Variants in LUZP2 observed in about 807,000 individuals in gnomAD.
LUZP2 encodes the protein leucine zipper protein 2.
Under a neutral mutation model 51.6 loss-of-function variants are expected in LUZP2, and 52 were observed. The observed-to-expected ratio is 1.01, with a 90% confidence interval of 0.81 to 1.27. The LOEUF (loss-of-function observed/expected upper bound fraction) is 1.27, where lower values mean the gene tolerates loss of function less well. Among genes scored for constraint, LUZP2 ranks in the 50% most tolerant of loss-of-function variants. The pLI is 0.00. For synonymous variants in LUZP2, 154 were observed against 137.3 expected, an observed-to-expected ratio of 1.12 and a Z score of -0.85; for missense variants, 436 against 395.4, an observed-to-expected ratio of 1.10 and a Z score of -0.87.
At chr11:24,829,119 A>G (rs1458737058) in intron 5 of LUZP2, among the ~76,000 whole-genome samples, 1 of 152,218 alleles carries the variant, frequency 6.6e-6, no homozygotes, top group Non-Finnish European at 1.5e-5. Context: ...CTCTGAAAAG[A>G]TAAACAGGAG....
intron 8 of LUZP2, among the ~76,000 whole-genome samples, chr11:24,982,869 T>C (rs554495351): frequency 6.6e-6 from 1 of 151,948 alleles, no homozygotes; most frequent in African/African-American, 2.4e-5. Context: ...GGAAATCATG[T>C]CAGTTCAAGA....
rs550869744 is a variant in LUZP2, at chr11:24,681,744, A to G, written c.63-47425A>G. ...TTTTCAATGCTTACATTAATATGAA[A>G]TGTTATAAACTTCACTTTTCTCTCT... On this transcript the variant is annotated intron_variant, in intron 1 of 11. Coordinates refer to ENST00000336930, the MANE Select transcript of LUZP2 (RefSeq NM_001009909.4). Among the ~76,000 whole-genome samples, 534 of 152,310 alleles carry G rather than the reference A, an allele frequency of 3.5e-3. 5 individuals carry two copies. Among genetic ancestry groups the G allele is most frequent in the African/African-American group, 0.011 (456 of 41,564 alleles).
intron 1 of LUZP2, among the ~76,000 whole-genome samples, chr11:24,657,240 CAT>C (rs1162384066): frequency 6.6e-6 from 1 of 152,118 alleles, no homozygotes; most frequent in African/African-American, 2.4e-5. Context: ...GAATTTAAGA[CAT>C]ATTTTGAAGG....
intron 5 of LUZP2, among the ~76,000 whole-genome samples, chr11:24,774,385 TACACACACAC>T (rs1186915708): frequency 1.8e-5 from 2 of 109,764 alleles, no homozygotes; most frequent in African/African-American, 3.7e-5. Context: ...TATATATACA[TACACACACAC>T]ATATTTATAA....
At chr11:24,682,990 GA>G (rs1004113834) in intron 1 of LUZP2, among the ~76,000 whole-genome samples, 1 of 151,800 alleles carries the variant, frequency 6.6e-6, no homozygotes, top group Admixed American at 6.6e-5. Context: ...CTGTCTCAAA[GA>G]AAAAAAAGAG....
At chr11:24,935,745 T>C (rs996020890) in intron 7 of LUZP2, among the ~76,000 whole-genome samples, 3 of 152,296 alleles carry the variant, frequency 2.0e-5, no homozygotes, top group African/African-American at 7.2e-5. Context: ...TAATATTAAA[T>C]GTTTTGTTAT....
At chr11:24,794,898 T>A (rs1483278744) in intron 5 of LUZP2, among the ~76,000 whole-genome samples, 1 of 152,100 alleles carries the variant, frequency 6.6e-6, no homozygotes, top group African/African-American at 2.4e-5. Context: ...TTTTAAGAAT[T>A]ATAGGATTTC....
intron 1 of LUZP2, among the ~76,000 whole-genome samples, chr11:24,563,236 A>G (rs1033141820): frequency 1.3e-4 from 20 of 152,324 alleles, no homozygotes; most frequent in Non-Finnish European, 1.5e-5. Context: ...AAGAATGTAT[A>G]GGGACCACCA....
At chr11:24,823,863 A>C (rs935618153) in intron 5 of LUZP2, among the ~76,000 whole-genome samples, 3 of 152,002 alleles carry the variant, frequency 2.0e-5, no homozygotes, top group Non-Finnish European at 4.4e-5. Flanking sequence ...GGAGATCGAG[A>C]CCATCCTGGC....
chr11:24,988,628 A>G (rs1398741681), intron 9 of LUZP2, among the ~76,000 whole-genome samples: 1 of 151,368 alleles, frequency 6.6e-6, no homozygotes, highest in Non-Finnish European at 1.5e-5. Flanking sequence ...TTTATGAAAT[A>G]GTGTTAAAGA....
rs570679924 is a variant in LUZP2 at position 25,049,946 on chromosome 11, G to A, written c.766-92G>A. ...ATGTTGCTATAATATTATATCATGT[G>A]TTACAATAAAACGATTTGGATCTAT... On this transcript the variant is annotated intron_variant, in intron 9 of 11. Coordinates refer to ENST00000336930, the MANE Select transcript of LUZP2 (RefSeq NM_001009909.4). The A allele has an allele frequency of 3.0e-5, 18 of 597,816 alleles. No homozygotes were observed. In the South Asian group the frequency reaches 5.8e-4, roughly 19 times the overall value. The allele number at this position is 597,816 out of a possible 1,614,324, so 37.0% of individuals were successfully genotyped here.
At chr11:24,917,821 C>G (rs1199554093) in intron 7 of LUZP2, among the ~76,000 whole-genome samples, 1 of 152,076 alleles carries the variant, frequency 6.6e-6, no homozygotes, top group Non-Finnish European at 1.5e-5. Context: ...AATGCGGGCT[C>G]TTTTTTGGTT....
chr11:24,764,146 T>G (rs1196477207), intron 5 of LUZP2, among the ~76,000 whole-genome samples: 1 of 152,168 alleles, frequency 6.6e-6, no homozygotes, highest in Non-Finnish European at 1.5e-5. Flanking sequence ...TTAAACGAGA[T>G]TAAAGTCAGT....
At chr11:24,618,535 T>C (rs578224843) in intron 1 of LUZP2, among the ~76,000 whole-genome samples, 1 of 152,320 alleles carries the variant, frequency 6.6e-6, no homozygotes, top group East Asian at 1.9e-4. Context: ...CTCTTGTTTC[T>C]AATCCTTTGA....
intron 10 of LUZP2, among the ~76,000 whole-genome samples, chr11:25,068,067 A>C (rs1426658041): frequency 6.6e-6 from 1 of 152,112 alleles, no homozygotes; most frequent in Non-Finnish European, 1.5e-5. Flanking sequence ...TCACAAGGAC[A>C]GAAAGTCAAA....
At chr11:24,561,205 G>A (rs1272174896) in intron 1 of LUZP2, among the ~76,000 whole-genome samples, 4 of 152,118 alleles carry the variant, frequency 2.6e-5, no homozygotes, top group Non-Finnish European at 5.9e-5. Flanking sequence ...TATTGGGAAA[G>A]CAGATATTTA....
intron 5 of LUZP2, among the ~76,000 whole-genome samples, chr11:24,833,037 A>AAAATTAAGC (rs1850746512): frequency 6.6e-6 from 1 of 152,180 alleles, no homozygotes; most frequent in Non-Finnish European, 1.5e-5. Context: ...AAAATGATGT[A>AAAATTAAGC]AAATTAAGCA....
chr11:24,663,861 T>C (rs1002145252), intron 1 of LUZP2, among the ~76,000 whole-genome samples: 1 of 152,150 alleles, frequency 6.6e-6, no homozygotes, highest in African/African-American at 2.4e-5. Flanking sequence ...TCCTGATGCC[T>C]TGTGAAGAAG....
Position 25,016,806 on chromosome 11 carries a change from G to A in LUZP2, c.766-33232G>A, listed in dbSNP as rs374488423. Among the ~76,000 whole-genome samples the A allele has an allele frequency of 7.9e-5, 12 of 152,128 alleles. No individual in the cohort carries two copies. The East Asian group carries it at 1.5e-3, about 20-fold the overall frequency. On this transcript the variant is annotated intron_variant, in intron 9 of 11. Coordinates refer to ENST00000336930, the MANE Select transcript of LUZP2 (RefSeq NM_001009909.4). ...GTAGATACACGGTAGTGAGATTACT[G>A]GATCGAATGGTAGATCTACTTTTAG...
Sources: gnomAD v4.1 joint callset for allele counts (sites outside exome capture counted in the v4.1 genomes callset) on GRCh38, gnomAD v4.1.1 for gene constraint, MANE v1.5 for transcripts, NCBI Gene and HGNC (gene_info 2026-07-23, HGNC 2026-07-21) for gene names.